The following ZNF521 variants were observed in gnomAD, a reference collection of about 807,000 sequenced individuals.
ZNF521 encodes zinc finger protein 521.
In ZNF521, 14 loss-of-function variants were observed where a neutral mutation model predicts 105.5. The ratio of observed to expected loss-of-function variants is 0.13; its 90% CI spans 0.09 to 0.21. The LOEUF is 0.21. Ranked by LOEUF, ZNF521 falls within the 10% of genes least tolerant of loss-of-function variation. The pLI is 1.00. For missense variants in ZNF521, 1,233 were observed against 1,629.7 expected (o/e 0.76, Z 4.19); for synonymous variants, 635 against 606.0 (o/e 1.05, Z -0.70).
At chr18:25,063,649 GT>G (rs1413723528) in intron 7 of ZNF521, among the ~76,000 whole-genome samples, 1 of 152,136 alleles carries the variant, frequency 6.6e-6, no homozygotes, top group Non-Finnish European at 1.5e-5. Flanking sequence ...CAGTTTGCTA[GT>G]TGCTGTAAAG....
At chr18:25,212,563 A>ATATATATG (rs1211491286) in intron 4 of ZNF521, among the ~76,000 whole-genome samples, 1 of 128,958 alleles carries the variant, frequency 7.8e-6, no homozygotes, top group African/African-American at 3.1e-5. Flanking sequence ...ATATATATAT[A>ATATATATG]TATGTATAGA....
At chr18:25,185,527 A>G (rs1196824288) in intron 5 of ZNF521, among the ~76,000 whole-genome samples, 2 of 152,148 alleles carry the variant, frequency 1.3e-5, no homozygotes, top group Non-Finnish European at 2.9e-5. Context: ...TCTGGTGCAA[A>G]TGGACCCCAA....
At chr18:25,289,579 A>G (rs982018484) in intron 3 of ZNF521, among the ~76,000 whole-genome samples, 3 of 152,238 alleles carry the variant, frequency 2.0e-5, no homozygotes, top group African/African-American at 7.2e-5. Context: ...TTTTTCTACA[A>G]AATGAAAATG....
At chr18:25,273,941 G>C (rs535393125) in intron 3 of ZNF521, among the ~76,000 whole-genome samples, 1 of 152,238 alleles carries the variant, frequency 6.6e-6, no homozygotes, top group South Asian at 2.1e-4. Flanking sequence ...GGTAGAAAGG[G>C]TCCTAACAGT....
chr18:25,342,053 C>T (rs1914228790), intron 2 of ZNF521, among the ~76,000 whole-genome samples: 1 of 152,190 alleles, frequency 6.6e-6, no homozygotes, highest in Non-Finnish European at 1.5e-5. Context: ...TGCCAAAACA[C>T]ACAGCAAATC....
intron 3 of ZNF521, among the ~76,000 whole-genome samples, chr18:25,254,210 T>C (rs1396242351): frequency 1.8e-4 from 28 of 152,124 alleles, no homozygotes; most frequent in Non-Finnish European, 1.5e-5. Flanking sequence ...AAAGGCTGGC[T>C]GCACCATGCA....
chr18:25,117,002 T>C (rs12971148), intron 5 of ZNF521, among the ~76,000 whole-genome samples: 1 of 138,128 alleles, frequency 7.2e-6, no homozygotes, highest in Non-Finnish European at 1.5e-5. Context: ...CACATATATA[T>C]ACATACACAC....
At chr18:25,067,182 G>C (rs2033084933) in intron 7 of ZNF521, among the ~76,000 whole-genome samples, 1 of 152,028 alleles carries the variant, frequency 6.6e-6, no homozygotes, top group Admixed American at 6.5e-5. Flanking sequence ...TTACACGAGG[G>C]GGGTTTGTGT....
intron 3 of ZNF521, among the ~76,000 whole-genome samples, chr18:25,270,138 G>C (rs1289651658): frequency 6.6e-6 from 1 of 152,178 alleles, no homozygotes; most frequent in Non-Finnish European, 1.5e-5. Context: ...ATTCCCATCA[G>C]AGAATACTAT....
intron 4 of ZNF521, among the ~76,000 whole-genome samples, chr18:25,219,950 T>C (rs1905594661): frequency 6.6e-6 from 1 of 152,190 alleles, no homozygotes; most frequent in East Asian, 1.9e-4. Context: ...GGCATCAAGA[T>C]AAAGAGTGTT....
At chr18:25,300,564 T>C (rs1266607466) in intron 3 of ZNF521, among the ~76,000 whole-genome samples, 1 of 151,248 alleles carries the variant, frequency 6.6e-6, no homozygotes, top group Non-Finnish European at 1.5e-5. Context: ...AGAAAGATCA[T>C]AGAGTGTCAT....
At chr18:25,336,010 T>C (rs1913858752) in intron 2 of ZNF521, among the ~76,000 whole-genome samples, 1 of 152,116 alleles carries the variant, frequency 6.6e-6, no homozygotes, top group African/African-American at 2.4e-5. Flanking sequence ...CCTGAACAGT[T>C]AGGATTTACT....
chr18:25,123,831 G>A lies in ZNF521; in HGVS notation c.3659-31750C>T, dbSNP rs374216768. Among the ~76,000 whole-genome samples, 120 of 152,286 alleles carry A rather than the reference G, an allele frequency of 7.9e-4. 2 individuals are homozygous for A. The South Asian group carries it at 0.014, about 17-fold the overall frequency. ...TTAGAAACATTTTTGCCAGATGCTGGTTTGGATGATAGAGGATTTTTTAAA... is the reference window on the plus strand; with the variant it reads ...TTAGAAACATTTTTGCCAGATGCTGATTTGGATGATAGAGGATTTTTTAAA... On this transcript the variant is annotated intron_variant, in intron 5 of 7. Transcript: ENST00000361524.
intron 3 of ZNF521, among the ~76,000 whole-genome samples, chr18:25,281,110 A>G (rs1910350956): frequency 6.6e-6 from 1 of 152,230 alleles, no homozygotes; most frequent in Non-Finnish European, 1.5e-5. Context: ...CCAGAGATAT[A>G]TAAATTAGTG....
chr18:25,334,549 C>T (rs542772824), intron 2 of ZNF521, among the ~76,000 whole-genome samples: 2 of 152,160 alleles, frequency 1.3e-5, no homozygotes, highest in Non-Finnish European at 2.9e-5. Context: ...TCTTTTGAAA[C>T]GTTAAACAGG....
At chr18:25,112,203 A>G (rs1297559428) in intron 5 of ZNF521, among the ~76,000 whole-genome samples, 2 of 152,236 alleles carry the variant, frequency 1.3e-5, no homozygotes, top group Non-Finnish European at 2.9e-5. Flanking sequence ...CATACATACA[A>G]ATATGAAATG....
chr18:25,079,589 T>G (rs529404026), intron 7 of ZNF521, among the ~76,000 whole-genome samples: 90 of 129,606 alleles, frequency 6.9e-4, no homozygotes, highest in African/African-American at 2.4e-3. Flanking sequence ...CCAAGAGATC[T>G]CAGGAAAAAG....
At chr18:25,165,380 G>A (rs1027577168) in intron 5 of ZNF521, among the ~76,000 whole-genome samples, 2 of 152,220 alleles carry the variant, frequency 1.3e-5, no homozygotes, top group Admixed American at 1.3e-4. Flanking sequence ...GAAGTCTTCA[G>A]TAATTCAATC....
At chr18:25,270,317 A>T (rs911276072) in intron 3 of ZNF521, among the ~76,000 whole-genome samples, 2 of 152,184 alleles carry the variant, frequency 1.3e-5, no homozygotes, top group African/African-American at 2.4e-5. Context: ...CCAGGACCAG[A>T]TGGATTCACA....
Sources: gnomAD v4.1 joint callset for allele counts (sites outside exome capture counted in the v4.1 genomes callset) on GRCh38, gnomAD v4.1.1 for gene constraint, MANE v1.5 for transcripts, NCBI Gene and HGNC (gene_info 2026-07-23, HGNC 2026-07-21) for gene names.